Variants in AHCYL2 observed in about 807,000 individuals in gnomAD.
AHCYL2 encodes the protein S-adenosylhomocysteine hydrolase-like protein 2.
Under a neutral mutation model 81.4 loss-of-function variants are expected in AHCYL2, and 28 were observed. The ratio of observed to expected loss-of-function variants is 0.34; its 90% CI spans 0.25 to 0.47. The LOEUF is 0.47. Among genes scored for constraint, AHCYL2 ranks in the 20% least tolerant of loss-of-function variants. AHCYL2 has a pLI of 1.00. For missense variants in AHCYL2, 551 were observed against 785.1 expected, an observed-to-expected ratio of 0.70 and a Z score of 3.56; for synonymous variants, 272 against 290.2, an observed-to-expected ratio of 0.94 and a Z score of 0.64.
At chr7:129,424,744 T>A (rs1797279256) in intron 13 of AHCYL2, 130 bp from the exon 14 acceptor site, 2 of 906,794 alleles carry the variant, frequency 2.2e-6, no homozygotes, top group Non-Finnish European at 3.6e-6. Context: ...ATATATTGAA[T>A]AGCTGCTTTT....
At chr7:129,399,357 G>A (rs988656089) in intron 5 of AHCYL2, among the ~76,000 whole-genome samples, 2 of 150,648 alleles carry the variant, frequency 1.3e-5, no homozygotes, top group Non-Finnish European at 1.5e-5. Flanking sequence ...TAAGGCAGGA[G>A]AATCGCTTGA....
chr7:129,357,655 C>T (rs1332870209), intron 1 of AHCYL2, among the ~76,000 whole-genome samples: 1 of 152,160 alleles, frequency 6.6e-6, no homozygotes, highest in African/African-American at 2.4e-5. Flanking sequence ...GCTTGGTGGG[C>T]CGGGCGCAGT....
chr7:129,283,273 C>T, intron 1 of AHCYL2: 1 of 438,056 alleles, frequency 2.3e-6, no homozygotes, highest in South Asian at 1.6e-5. Flanking sequence ...TGGAAATATT[C>T]TCAAGGCAGT....
chr7:129,396,756 G>C (rs1795761925), intron 4 of AHCYL2, among the ~76,000 whole-genome samples: 1 of 152,126 alleles, frequency 6.6e-6, no homozygotes, highest in South Asian at 2.1e-4. Context: ...GTCTCACTCT[G>C]TTGTCCAGGC....
intron 1 of AHCYL2, among the ~76,000 whole-genome samples, chr7:129,360,206 C>T (rs1182027047): frequency 1.3e-5 from 2 of 151,934 alleles, no homozygotes; most frequent in African/African-American, 2.4e-5. Flanking sequence ...ACCTCTGCCT[C>T]CTGGGTTCAA....
chr7:129,259,190 G>A (rs1795533231), intron 1 of AHCYL2, among the ~76,000 whole-genome samples: 1 of 152,062 alleles, frequency 6.6e-6, no homozygotes, highest in Non-Finnish European at 1.5e-5. Flanking sequence ...AACAAAGAAG[G>A]CCACTTAGGT....
chr7:129,243,302 C>T lies in AHCYL2; in HGVS notation c.363+17863C>T, dbSNP rs1473849082. Among the ~76,000 whole-genome samples, 5 of 152,030 alleles carry T rather than the reference C, an allele frequency of 3.3e-5. No homozygotes were observed. In the East Asian group the frequency reaches 5.8e-4, roughly 18 times the overall value. ...CCTCCCAAAGTGCTGGGATTACAGG[C>T]GTGAGCCACCATGCCCAGCCGACTA... is the stretch of plus-strand genomic sequence containing the variant. On this transcript the variant is annotated intron_variant, in intron 1 of 16. Transcript: ENST00000325006.
chr7:129,248,965 T>A (rs925961145), intron 1 of AHCYL2, among the ~76,000 whole-genome samples: 9 of 151,502 alleles, frequency 5.9e-5, no homozygotes, highest in Non-Finnish European at 1.2e-4. Context: ...TACAATTTTT[T>A]AAAATTGTGG....
intron 1 of AHCYL2, among the ~76,000 whole-genome samples, chr7:129,356,575 A>C (rs942294807): frequency 6.6e-6 from 1 of 152,210 alleles, no homozygotes; most frequent in East Asian, 1.9e-4. Flanking sequence ...GTATTAGAAC[A>C]TAGGCATCTT....
intron 1 of AHCYL2, among the ~76,000 whole-genome samples, chr7:129,373,277 G>A (rs897739372): frequency 1.3e-5 from 2 of 152,122 alleles, no homozygotes; most frequent in African/African-American, 2.4e-5. Flanking sequence ...TGTGTGCGGC[G>A]GCTCACGCCT....
intron 1 of AHCYL2, among the ~76,000 whole-genome samples, chr7:129,262,215 G>A (rs1344721612): frequency 6.6e-6 from 1 of 152,202 alleles, no homozygotes; most frequent in African/African-American, 2.4e-5. Flanking sequence ...TATAGCAAGA[G>A]CCGCTGGCCA....
intron 1 of AHCYL2, among the ~76,000 whole-genome samples, chr7:129,373,169 G>C (rs1251987990): frequency 6.6e-6 from 1 of 152,096 alleles, no homozygotes; most frequent in African/African-American, 2.4e-5. Context: ...CAAAAACTCT[G>C]GTGGTTAAGA....
intron 1 of AHCYL2, among the ~76,000 whole-genome samples, chr7:129,235,092 GA>G (rs1321270185): frequency 6.6e-6 from 1 of 152,112 alleles, no homozygotes; most frequent in Non-Finnish European, 1.5e-5. Flanking sequence ...ATGTCCATTA[GA>G]TTGGGAAACA....
intron 1 of AHCYL2, among the ~76,000 whole-genome samples, chr7:129,345,702 G>A (rs951560091): frequency 1.3e-5 from 2 of 152,168 alleles, no homozygotes; most frequent in Admixed American, 1.3e-4. Context: ...CTGGGAAAGA[G>A]TTCATGAATA....
chr7:129,302,203 C>G (rs1453323793), intron 1 of AHCYL2, among the ~76,000 whole-genome samples: 1 of 152,096 alleles, frequency 6.6e-6, no homozygotes, highest in African/African-American at 2.4e-5. Context: ...TATAGAAATG[C>G]TAGTGACTTT....
chr7:129,380,080 T>C (rs534989763), intron 2 of AHCYL2, among the ~76,000 whole-genome samples: 26 of 152,280 alleles, frequency 1.7e-4, no homozygotes, highest in African/African-American at 5.8e-4. Flanking sequence ...TTTTTTTTTT[T>C]TCATCCTTTG....
intron 1 of AHCYL2, among the ~76,000 whole-genome samples, chr7:129,340,429 G>C (rs938084782): frequency 6.6e-5 from 10 of 151,474 alleles, no homozygotes; most frequent in Non-Finnish European, 1.3e-4. Context: ...TTAGCCGGGC[G>C]TGGTGGCAGT....
At chr7:129,299,389 T>G (rs1797176264) in intron 1 of AHCYL2, among the ~76,000 whole-genome samples, 7 of 80,980 alleles carry the variant, frequency 8.6e-5, no homozygotes, top group African/African-American at 1.4e-4. Context: ...TTTTTTTTTT[T>G]TTTTTTTTTT....
chr7:129,225,835 G>A (rs1245610345), intron 1 of AHCYL2, among the ~76,000 whole-genome samples: 1 of 152,148 alleles, frequency 6.6e-6, no homozygotes, highest in Non-Finnish European at 1.5e-5. Context: ...CAGCAATAAG[G>A]ATGAAAAGAT....
Sources: gnomAD v4.1 joint callset for allele counts (sites outside exome capture counted in the v4.1 genomes callset) on GRCh38, gnomAD v4.1.1 for gene constraint, MANE v1.5 for transcripts, NCBI Gene and HGNC (gene_info 2026-07-23, HGNC 2026-07-21) for gene names.